Variants in CDC45 observed in about 807,000 individuals in gnomAD.
CDC45 encodes cell division cycle 45.
CDC45 carries 54 observed loss-of-function variants against 77.8 expected under a neutral mutation model. The observed-to-expected ratio is 0.69, with a 90% CI of 0.56 to 0.87. The LOEUF (loss-of-function observed/expected upper bound fraction) is 0.87. Among genes scored for constraint, CDC45 ranks in the 40% least tolerant of loss-of-function variants. The pLI, the probability that CDC45 is intolerant of heterozygous loss-of-function variation, is 0.00. For missense variants in CDC45, 649 were observed against 721.6 expected, an observed-to-expected ratio of 0.90 and a Z score of 1.15; for synonymous variants, 260 against 272.1, an observed-to-expected ratio of 0.96 and a Z score of 0.44.
At chr22:19,501,332 G>A (rs1448616043) in intron 9 of CDC45, among the ~76,000 whole-genome samples, 1 of 152,200 alleles carries the variant, frequency 6.6e-6, no homozygotes, top group African/African-American at 2.4e-5. Flanking sequence ...TGAAATATGG[G>A]CTGTTGCTGG....
At chr22:19,518,934 G>T (rs1406757402) in intron 18 of CDC45, 25 bp downstream of exon 18, 1 of 1,576,802 alleles carries the variant, frequency 6.3e-7, no homozygotes, top group South Asian at 1.1e-5. Context: ...TTCTGCAGGG[G>T]TGGCTGCAGC....
At chr22:19,508,723 G>T (rs1476528287) in intron 13 of CDC45, 32 bp downstream of exon 13, 1 of 1,605,866 alleles carries the variant, frequency 6.2e-7, no homozygotes, top group Admixed American at 1.7e-5. Context: ...TGCCTCATGG[G>T]GCCACCACTG....
chr22:19,512,309 G>A (rs2146430625), intron 13 of CDC45, among the ~76,000 whole-genome samples: 1 of 152,326 alleles, frequency 6.6e-6, no homozygotes, highest in South Asian at 2.1e-4. Flanking sequence ...TTGGGCCGCT[G>A]CTCTCCAGTT....
chr22:19,497,335 C>A, intron 7 of CDC45, 51 bp from the exon 8 acceptor site: 1 of 1,554,606 alleles, frequency 6.4e-7, no homozygotes, highest in Non-Finnish European at 8.9e-7. Flanking sequence ...CATGGCCCAG[C>A]CCCAGCACAT....
Position 19,516,875 on chromosome 22 carries a change from A to G in CDC45, c.1618A>G (p.Asn540Asp), listed in dbSNP as rs200986651. 77 of 1,613,996 alleles carry G rather than the reference A, an allele frequency of 4.8e-5. No individual in the cohort carries two copies. In the East Asian group the frequency reaches 1.6e-3, roughly 33 times the overall value. Residue 540 changes from asparagine (N) to aspartate (D), a missense_variant, in exon 17 of 19, where the codon AAC (asparagine) becomes GAC (aspartate). Asn to Asp is a conservative substitution (Grantham distance 23). Coordinates refer to ENST00000263201, the MANE Select transcript of CDC45 (RefSeq NM_003504.5). ...AAGCACCAGCTCCCGGATGCTGCAC[A>G]ACCATTTTGACCTCTCAGGTGAGAG... Reference protein sequence around the residue: ...AESTSSRMLHNHFDLSVIELK... With the variant: ...AESTSSRMLHDHFDLSVIELK...
intron 9 of CDC45, among the ~76,000 whole-genome samples, chr22:19,504,495 C>T (rs1413226155): frequency 6.6e-6 from 1 of 152,124 alleles, no homozygotes; most frequent in African/African-American, 2.4e-5. Context: ...GACGGGGTTT[C>T]TTCATGTTGG....
At chr22:19,493,134 T>G (rs759432026) in intron 5 of CDC45, among the ~76,000 whole-genome samples, 3 of 152,152 alleles carry the variant, frequency 2.0e-5, no homozygotes, top group African/African-American at 4.8e-5. Flanking sequence ...CTTGGTGGTG[T>G]TGGCTAGAGT....
Position 19,491,761 on chromosome 22 carries a change from A to G in CDC45, c.487-2566A>G, listed in dbSNP as rs190713447. On this transcript the variant is annotated intron_variant, in intron 5 of 18. Coordinates refer to ENST00000263201, the MANE Select transcript of CDC45 (RefSeq NM_003504.5). Reference sequence around the variant, plus strand: ...TGCCCTGTCACCCAGGCTGGAATGCAGTGGCACGATCTCAGCTCACTGTAA... The same window carrying G: ...TGCCCTGTCACCCAGGCTGGAATGCGGTGGCACGATCTCAGCTCACTGTAA... 3.6e-4 allele frequency among the ~76,000 whole-genome samples: 55 copies of G among 151,602 alleles called. 2 individuals are homozygous for G. The East Asian group carries it at 9.5e-3, about 26-fold the overall frequency.
At chr22:19,517,217 G>T (rs897239899) in intron 17 of CDC45, among the ~76,000 whole-genome samples, 3 of 152,216 alleles carry the variant, frequency 2.0e-5, no homozygotes, top group Non-Finnish European at 4.4e-5. Context: ...GATCTCACCT[G>T]TCAGGGTTGG....
chr22:19,515,669 G>A (rs1484943723), intron 15 of CDC45, among the ~76,000 whole-genome samples: 1 of 152,196 alleles, frequency 6.6e-6, no homozygotes, highest in Non-Finnish European at 1.5e-5. Flanking sequence ...CAGATGACAT[G>A]TGTTCTATCA....
At chr22:19,497,155 A>G (rs1233355125) in intron 7 of CDC45, among the ~76,000 whole-genome samples, 1 of 152,200 alleles carries the variant, frequency 6.6e-6, no homozygotes, top group Non-Finnish European at 1.5e-5. Context: ...AAATATACAG[A>G]CAGTAATGAT....
chr22:19,503,835 G>T (rs1476616058), intron 9 of CDC45, among the ~76,000 whole-genome samples: 2 of 152,220 alleles, frequency 1.3e-5, no homozygotes, highest in African/African-American at 4.8e-5. Context: ...CTCCAAAGAG[G>T]CCAGCAAATC....
chr22:19,501,782 G>A (rs1932910661), intron 9 of CDC45, among the ~76,000 whole-genome samples: 1 of 152,080 alleles, frequency 6.6e-6, no homozygotes. Context: ...TGGCATGAAC[G>A]TAACTCACTG....
Position 19,507,754 on chromosome 22 carries a change from T to G in CDC45, c.957-12T>G, listed in dbSNP as rs1051936895. 1.3e-6 allele frequency: 2 copies of G among 1,582,368 alleles called. No homozygotes were observed. Among genetic ancestry groups the G allele is most frequent in the African/African-American group, 2.7e-5 (2 of 73,288 alleles). ...TGACCTCACTCATGTGGCTTGGGCTTGCTCTTTCCAGTCTTCCCCTGAAGC... is the reference window on the plus strand; with the variant it reads ...TGACCTCACTCATGTGGCTTGGGCTGGCTCTTTCCAGTCTTCCCCTGAAGC... On this transcript the variant is annotated splice_polypyrimidine_tract_variant and intron_variant, in intron 11 of 18. Coordinates refer to ENST00000263201, the MANE Select transcript of CDC45 (RefSeq NM_003504.5).
At chr22:19,480,062 G>A (rs2089949549) in intron 1 of CDC45, 43 bp downstream of exon 1, 4 of 1,613,494 alleles carry the variant, frequency 2.5e-6, no homozygotes, top group African/African-American at 2.7e-5. Context: ...TTGCCGGTGG[G>A]GAAGGGATGA....
chr22:19,489,815 T>G (rs1044539280), intron 5 of CDC45, among the ~76,000 whole-genome samples: 5 of 152,256 alleles, frequency 3.3e-5, no homozygotes, highest in African/African-American at 1.2e-4. Flanking sequence ...GGTGGTGGTG[T>G]TGAGTTCTGT....
chr22:19,519,096 T>C (rs1002973038), intron 18 of CDC45, among the ~76,000 whole-genome samples, 187 bp downstream of exon 18: 3 of 152,140 alleles, frequency 2.0e-5, no homozygotes, highest in African/African-American at 7.2e-5. Flanking sequence ...AGGGCCACAA[T>C]GGGGCATTTT....
intron 13 of CDC45, among the ~76,000 whole-genome samples, chr22:19,512,780 C>T (rs1933585168): frequency 1.3e-5 from 2 of 152,200 alleles, no homozygotes. Flanking sequence ...ATTTAAAACA[C>T]TCTTAGTCCA....
intron 8 of CDC45, 115 bp from the exon 9 acceptor site, chr22:19,498,986 A>C: frequency 8.7e-7 from 1 of 1,147,460 alleles, no homozygotes; most frequent in Non-Finnish European, 1.3e-6. Flanking sequence ...CCCCACTGGC[A>C]GGACATTCCC....
Sources: allele counts gnomAD v4.1 joint callset (sites outside exome capture counted in the v4.1 genomes callset), GRCh38; gene constraint gnomAD v4.1.1; transcripts MANE v1.5; gene names NCBI Gene and HGNC (gene_info 2026-07-23, HGNC 2026-07-21).